DUSP3: variants seen among roughly 807,000 people sequenced by gnomAD.
DUSP3 encodes dual specificity phosphatase 3.
DUSP3 carries 7 observed loss-of-function variants against 15.5 expected under a neutral mutation model. That is an observed-to-expected ratio of 0.45 (90% CI 0.26 to 0.85). DUSP3 has a LOEUF of 0.85. Among genes scored for constraint, DUSP3 ranks in the 40% least tolerant of loss-of-function variants. The pLI is 0.18. For synonymous variants in DUSP3, 86 were observed against 104.2 expected (o/e 0.83, Z 1.07); for missense variants, 209 against 251.7 (o/e 0.83, Z 1.15).
rs1974245514 is a variant in DUSP3, at chr17:43,766,668, G to A, written c.*2941C>T. The A allele has an allele frequency of 1.3e-5, 2 of 152,626 alleles. 1 individual carries two copies. The highest frequency in any genetic ancestry group is 6.8e-3 in the Middle Eastern group (2 of 294). 9.5% of individuals were successfully genotyped at this position (152,626 alleles called of 1,614,324 possible). A position where few individuals can be genotyped will look rare whatever the true frequency, so the allele number is the denominator to read the frequency against. ...TCCTTGCGGTGCTGAATTCCAAGTG[G>A]GGATTATTAGAGACCCCTCAGAGCC... On this transcript the variant is annotated 3_prime_UTR_variant, in exon 3 of 3. Transcript: ENST00000226004.
chr17:43,769,337 C>T lies in DUSP3; in HGVS notation c.*272G>A. ...CATCGGGAAGCATGCAGGCCACAGG[C>T]CTTCCCCCTCTGAGCCCCCATCTCA... On this transcript the variant is annotated 3_prime_UTR_variant, in exon 3 of 3. Coordinates refer to ENST00000226004, the MANE Select transcript of DUSP3 (RefSeq NM_004090.4). 1 of 451,822 alleles carries T rather than the reference C, an allele frequency of 2.2e-6. No individual in the cohort carries two copies. The highest frequency in any genetic ancestry group is 2.7e-5 in the South Asian group (1 of 37,352). 28.0% of individuals were successfully genotyped at this position (451,822 alleles called of 1,614,324 possible).
Position 43,778,950 on chromosome 17 carries a change from G to C in DUSP3, c.-26C>G, listed in dbSNP as rs766445576. On this transcript the variant is annotated 5_prime_UTR_variant, in exon 1 of 3. Transcript: ENST00000226004. Reference sequence around the variant, plus strand: ...GGCGGCGGCGGGGCCCTGCACGCCCGGCAGGAGCAAGCGAGGCGGAGAGCG... The same window carrying C: ...GGCGGCGGCGGGGCCCTGCACGCCCCGCAGGAGCAAGCGAGGCGGAGAGCG... The C allele has an allele frequency of 6.5e-5, 91 of 1,399,630 alleles. No individual in the cohort carries two copies. Among genetic ancestry groups the C allele is most frequent in the Non-Finnish European group, 3.1e-5 (33 of 1,069,302 alleles). 86.7% of individuals were successfully genotyped at this position (1,399,630 alleles called of 1,614,324 possible). A position where few individuals can be genotyped will look rare whatever the true frequency, so the allele number is the denominator to read the frequency against.
chr17:43,769,803 C>T lies in DUSP3; in HGVS notation c.364G>A (p.Val122Ile), dbSNP rs200022065. 70 of 1,614,044 alleles carry T rather than the reference C, an allele frequency of 4.3e-5. No homozygotes were observed. In the South Asian group the frequency reaches 4.8e-4, roughly 11 times the overall value. Residue 122 changes from valine to isoleucine, a missense_variant, in exon 3 of 3, where the codon GTC becomes ATC. By Grantham distance (29) the Val-to-Ile change is conservative (BLOSUM62 3). Transcript: ENST00000226004. ...CGGCTATAACCTTCCCGGCAGTGGA[C>T]GAGCACCCGGCCTGTAAGAAACAGG... is the stretch of plus-strand genomic sequence containing the variant. ...ALAQKNGRVL[V>I]HCREGYSRSP...
Position 43,766,514 on chromosome 17 carries a change from T to A in DUSP3, c.*3095A>T, listed in dbSNP as rs1974243646. 1 of 152,304 alleles carries A rather than the reference T, an allele frequency of 6.6e-6. No individual in the cohort carries two copies. The highest frequency in any genetic ancestry group is 1.5e-5 in the Non-Finnish European group (1 of 67,980). The allele number at this position is 152,304 out of a possible 1,614,324, so 9.4% of individuals were successfully genotyped here. A position where few individuals can be genotyped will look rare whatever the true frequency, so the allele number is the denominator to read the frequency against. On this transcript the variant is annotated 3_prime_UTR_variant, in exon 3 of 3. Coordinates refer to ENST00000226004, the MANE Select transcript of DUSP3 (RefSeq NM_004090.4). ...TCAGTACTTTTTTTTTTTTTTTTCC[T>A]TTAAAACAGTAGCATCTTAACTTGT...
In DUSP3 at chr17:43,770,812, G is replaced by A. The variant is rs936700133; in HGVS notation, c.353-998C>T. Among the ~76,000 whole-genome samples the A allele has an allele frequency of 5.9e-5, 9 of 151,704 alleles. No individual in the cohort carries two copies. In the South Asian group the frequency reaches 1.0e-3, roughly 18 times the overall value. On this transcript the variant is annotated intron_variant, in intron 2 of 2. Transcript: ENST00000226004. ...TCCTTCTTGTTGCCCAGGCTGGAGT[G>A]CAGTGGCGCGATCTCGGCTCACTTC...
chr17:43,773,775 C>A (rs991880652), intron 2 of DUSP3, among the ~76,000 whole-genome samples: 2 of 152,032 alleles, frequency 1.3e-5, no homozygotes, highest in African/African-American at 4.8e-5. Flanking sequence ...CCAGTCTAGA[C>A]AACATAGCAA....
chr17:43,777,612 T>G, intron 1 of DUSP3: 1 of 453,288 alleles, frequency 2.2e-6, no homozygotes, highest in South Asian at 1.6e-5. Flanking sequence ...GGAGGAGGGT[T>G]AGTTTTGAGT....
chr17:43,774,235 T>C (rs1430773651), intron 2 of DUSP3: 2 of 268,692 alleles, frequency 7.4e-6, no homozygotes, highest in African/African-American at 4.7e-5. Flanking sequence ...GATCCCATCT[T>C]GGGACCATGA....
At chr17:43,778,701 G>A (rs896365479) in intron 1 of DUSP3, 99 bp downstream of exon 1, 6 of 1,341,248 alleles carry the variant, frequency 4.5e-6, no homozygotes, top group Non-Finnish European at 4.8e-6. Context: ...TCGCGCCCGG[G>A]CTCCCCCAAC....
At chr17:43,777,547 C>T (rs1974404867) in intron 1 of DUSP3, 1 of 455,902 alleles carries the variant, frequency 2.2e-6, no homozygotes, top group African/African-American at 2.0e-5. Flanking sequence ...GACATTGACC[C>T]TGTCCTTGTA....
At chr17:43,774,145 GA>G in intron 2 of DUSP3, 1 of 263,360 alleles carries the variant, frequency 3.8e-6, no homozygotes. Context: ...AGGAGAGAGA[GA>G]AGAGGAAAAA....
chr17:43,771,639 C>A (rs774044520), intron 2 of DUSP3, among the ~76,000 whole-genome samples: 3 of 152,170 alleles, frequency 2.0e-5, no homozygotes, highest in Non-Finnish European at 4.4e-5. Context: ...ACACCCTCAA[C>A]TACAGCAGCC....
chr17:43,774,753 C>G lies in DUSP3; in HGVS notation c.311G>C (p.Arg104Thr), dbSNP rs779417821. ...QEFNLSAYFE[R>T]AADFIDQALA... ...AGCCTGGTCAATGAAGTCGGCAGCC[C>G]TTTCAAAGTAAGCGCTGAGGTTGAA... The change falls in exon 2 of 3, where the codon AGG becomes ACG. Residue 104 changes from arginine (R) to threonine (T), a missense_variant. Transcript: ENST00000226004. The G allele has an allele frequency of 4.3e-6, 7 of 1,614,212 alleles. No individual in the cohort carries two copies. In the Admixed American group the frequency reaches 1.2e-4, roughly 27 times the overall value.
chr17:43,769,136 G>T lies in DUSP3; in HGVS notation c.*473C>A. On this transcript the variant is annotated 3_prime_UTR_variant, in exon 3 of 3. Coordinates refer to ENST00000226004, the MANE Select transcript of DUSP3 (RefSeq NM_004090.4). The stretch of plus-strand genomic sequence containing the variant: ...CAGGGTGTGGAAGGCTGTGGGGACA[G>T]TGCAGGGCACAGACGTGGTGGGGAG... 1 of 174,962 alleles carries T rather than the reference G, an allele frequency of 5.7e-6. No homozygotes were observed. Among genetic ancestry groups the T allele is most frequent in the Non-Finnish European group, 1.2e-5 (1 of 83,700 alleles). The allele number at this position is 174,962 out of a possible 1,614,324, so 10.8% of individuals were successfully genotyped here.
At chr17:43,770,088 A>G (rs1974295510) in intron 2 of DUSP3, among the ~76,000 whole-genome samples, 1 of 152,128 alleles carries the variant, frequency 6.6e-6, no homozygotes, top group South Asian at 2.1e-4. Context: ...CAAGCTGAAC[A>G]CGTGCATCCC....
chr17:43,777,887 C>T (rs920820278), intron 1 of DUSP3: 2 of 170,902 alleles, frequency 1.2e-5, no homozygotes, highest in African/African-American at 2.4e-5. Flanking sequence ...CGCCTGTAAT[C>T]CCAGCACTTT....
chr17:43,773,369 G>A (rs1974342133), intron 2 of DUSP3, among the ~76,000 whole-genome samples: 1 of 152,208 alleles, frequency 6.6e-6, no homozygotes, highest in African/African-American at 2.4e-5. Flanking sequence ...AGCAGAAAGG[G>A]AGAAAGGGCA....
rs558032821 is a variant in DUSP3, at chr17:43,767,295, C to T, written c.*2314G>A. The stretch of plus-strand genomic sequence containing the variant: ...CCAGCCCCAGCTCCCTAGCCTTTTC[C>T]AGGAGCAGAGCAGAAAGCTCTACTT... On this transcript the variant is annotated 3_prime_UTR_variant, in exon 3 of 3. Transcript: ENST00000226004. The T allele has an allele frequency of 6.5e-6, 1 of 152,736 alleles. No homozygotes were observed. Among genetic ancestry groups the T allele is most frequent in the African/African-American group, 2.4e-5 (1 of 41,560 alleles). 9.5% of individuals were successfully genotyped at this position (152,736 alleles called of 1,614,324 possible). A position where few individuals can be genotyped will look rare whatever the true frequency, so the allele number is the denominator to read the frequency against.
intron 1 of DUSP3, among the ~76,000 whole-genome samples, chr17:43,775,665 A>G (rs762318206): frequency 9.2e-5 from 14 of 152,200 alleles, no homozygotes; most frequent in Non-Finnish European, 1.9e-4. Flanking sequence ...GAATGAGTGC[A>G]AAAGAATAAA....
Sources: allele counts gnomAD v4.1 joint callset (sites outside exome capture counted in the v4.1 genomes callset), GRCh38; gene constraint gnomAD v4.1.1; transcripts MANE v1.5; gene names NCBI Gene and HGNC (gene_info 2026-07-23, HGNC 2026-07-21).